Variants in CDK1 observed in about 807,000 individuals in gnomAD.
The protein encoded by CDK1 is cyclin dependent kinase 1.
CDK1 carries 5 observed loss-of-function variants against 34.6 expected under a neutral mutation model. The ratio of observed to expected loss-of-function variants is 0.14; its 90% CI spans 0.08 to 0.30. CDK1 has a LOEUF of 0.30. Ranked by LOEUF, CDK1 falls within the 10% of genes least tolerant of loss-of-function variation. The pLI is 1.00. For synonymous variants in CDK1, 108 were observed against 114.7 expected (o/e 0.94, Z 0.37); for missense variants, 157 against 345.7 (o/e 0.45, Z 4.33).
At chr10:60,789,472 CAT>C (rs1038215662) in intron 5 of CDK1, among the ~76,000 whole-genome samples, 32 of 152,276 alleles carry the variant, frequency 2.1e-4, no homozygotes, top group East Asian at 1.5e-3. Context: ...TGAGTGAAAA[CAT>C]GTGGTATTTA....
chr10:60,784,875 T>G lies in CDK1; in HGVS notation c.194+14T>G. 1 of 1,600,162 alleles carries G rather than the reference T, an allele frequency of 6.2e-7. No homozygotes were observed. Among genetic ancestry groups the G allele is most frequent in the Non-Finnish European group, 8.5e-7 (1 of 1,170,240 alleles). On this transcript the variant is annotated intron_variant, in intron 3 of 7. Transcript: ENST00000395284. Reference sequence around the variant, plus strand: ...AAATATAGTCAGGTATGTTGTAATATCTGAATGTAAGCCATTTTCTGCATG... The same window carrying G: ...AAATATAGTCAGGTATGTTGTAATAGCTGAATGTAAGCCATTTTCTGCATG...
At chr10:60,784,606 G>T in intron 2 of CDK1, 99 bp from the exon 3 acceptor site, 2 of 1,019,810 alleles carry the variant, frequency 2.0e-6, no homozygotes, top group Non-Finnish European at 1.4e-6. Context: ...CTCCAACCTG[G>T]ACAAGAAAAC....
intron 4 of CDK1, chr10:60,786,638 G>A (rs1373691776): frequency 6.0e-6 from 1 of 166,078 alleles, no homozygotes; most frequent in African/African-American, 2.4e-5. Flanking sequence ...GATATTGCCG[G>A]TTGCCCCCTA....
At position 60,788,113 on chromosome 10, in the gene CDK1, T is replaced by C. The variant is rs1191188453; in HGVS notation, c.372T>C (p.Val124=). The C allele has an allele frequency of 1.2e-6, 2 of 1,605,616 alleles. No homozygotes were observed. The highest frequency in any genetic ancestry group is 3.3e-5 in the Admixed American group (2 of 59,812). The change falls in exon 5 of 8, where the codon GTT becomes GTC. Residue 124 remains valine, a synonymous_variant. Transcript: ENST00000395284. ...TTGTGTTTTGTCACTCTAGAAGAGT[T>C]CTTCACAGAGACTTAAAACCTCAAA... ...QGIVFCHSRR[V]LHRDLKPQNL...
intron 4 of CDK1, 81 bp downstream of exon 4, chr10:60,785,868 G>A: frequency 7.3e-7 from 1 of 1,371,188 alleles, no homozygotes; most frequent in Non-Finnish European, 9.5e-7. Context: ...GCATTTTGTG[G>A]GAATATGCTT....
chr10:60,785,984 TA>T, intron 4 of CDK1, 197 bp downstream of exon 4: 1 of 1,175,770 alleles, frequency 8.5e-7, no homozygotes, highest in East Asian at 3.7e-5. Context: ...TTCTAGTAAG[TA>T]AAAATTAGTG....
intron 4 of CDK1, 150 bp from the exon 5 acceptor site, chr10:60,787,910 C>A: frequency 4.5e-6 from 2 of 441,850 alleles, no homozygotes; most frequent in Non-Finnish European, 8.1e-6. Context: ...AAATGGGCTT[C>A]CCACCCACAA....
Position 60,794,045 on chromosome 10 carries a change from T to C in CDK1, c.*70T>C. 2 of 768,904 alleles carry C rather than the reference T, an allele frequency of 2.6e-6. No homozygotes were observed. The highest frequency in any genetic ancestry group is 5.8e-5 in the East Asian group (2 of 34,672). The allele number at this position is 768,904 out of a possible 1,614,324, so 47.6% of individuals were successfully genotyped here. On this transcript the variant is annotated 3_prime_UTR_variant, in exon 8 of 8. Transcript: ENST00000395284. ...TGTTTTTATTGTTAACTCTTGTCTA[T>C]TTTTGTCTTATATATATTTCTTTGT...
chr10:60,781,116 C>G (rs1293902552), intron 2 of CDK1, among the ~76,000 whole-genome samples: 3 of 151,750 alleles, frequency 2.0e-5, no homozygotes, highest in Non-Finnish European at 4.4e-5. Context: ...AATTTTGCTG[C>G]TGAATTAAAA....
At chr10:60,781,925 T>C (rs1356906003) in intron 2 of CDK1, among the ~76,000 whole-genome samples, 1 of 152,222 alleles carries the variant, frequency 6.6e-6, no homozygotes, top group Non-Finnish European at 1.5e-5. Flanking sequence ...GTTTTCCTTG[T>C]TTGCTCTTCT....
chr10:60,790,631 G>T (rs1171701009), intron 5 of CDK1, among the ~76,000 whole-genome samples: 5 of 152,042 alleles, frequency 3.3e-5, no homozygotes, highest in Non-Finnish European at 7.4e-5. Flanking sequence ...CAATAACAGT[G>T]TTTCCTCTGT....
At position 60,784,938 on chromosome 10, in the gene CDK1, A is replaced by G. The variant is rs1589111415; in HGVS notation, c.194+77A>G. ...TAAATTTCAACTTGGAAATCTTTAC[A>G]TTTGCTCAATTTCTTGGTCTAGCCT... On this transcript the variant is annotated intron_variant, in intron 3 of 7. Transcript: ENST00000395284. 10 of 1,361,178 alleles carry G rather than the reference A, an allele frequency of 7.3e-6. No homozygotes were observed. In the East Asian group the frequency reaches 1.6e-4, roughly 22 times the overall value. The allele number at this position is 1,361,178 out of a possible 1,614,324, so 84.3% of individuals were successfully genotyped here.
chr10:60,785,560 C>T, intron 3 of CDK1, 104 bp from the exon 4 acceptor site: 1 of 697,344 alleles, frequency 1.4e-6, no homozygotes. Flanking sequence ...ACGTCTTCCC[C>T]AGTTTTTATT....
chr10:60,793,721 C>T (rs559726876), intron 7 of CDK1, among the ~76,000 whole-genome samples, 156 bp from the exon 8 acceptor site: 2 of 152,020 alleles, frequency 1.3e-5, no homozygotes, highest in Admixed American at 1.3e-4. Context: ...GGGGAGGAGA[C>T]ATTTGTGTGT....
chr10:60,785,392 A>G (rs2080306992), intron 3 of CDK1, among the ~76,000 whole-genome samples: 1 of 152,158 alleles, frequency 6.6e-6, no homozygotes, highest in African/African-American at 2.4e-5. Flanking sequence ...CAGTGAAAAA[A>G]TAAGCTCTCA....
intron 4 of CDK1, 173 bp from the exon 5 acceptor site, chr10:60,787,887 T>A: frequency 2.5e-6 from 1 of 396,044 alleles, no homozygotes; most frequent in Non-Finnish European, 4.5e-6. Context: ...TATACAAATG[T>A]GATGTTGTAT....
chr10:60,785,829 A>T (rs779662361), intron 4 of CDK1, 42 bp downstream of exon 4: 2 of 1,529,754 alleles, frequency 1.3e-6, no homozygotes, highest in Non-Finnish European at 1.8e-6. Flanking sequence ...TGCACTGTGG[A>T]TATAAAGGGA....
intron 3 of CDK1, among the ~76,000 whole-genome samples, chr10:60,785,099 G>T (rs542979785): frequency 3.1e-4 from 47 of 152,150 alleles, no homozygotes; most frequent in Non-Finnish European, 6.2e-4. Flanking sequence ...GAATAGCAAG[G>T]TAAATTGGCC....
chr10:60,790,445 G>A, intron 5 of CDK1, among the ~76,000 whole-genome samples: 1 of 152,078 alleles, frequency 6.6e-6, no homozygotes, highest in East Asian at 1.9e-4. Flanking sequence ...GGGGCTGTCA[G>A]CATATTTCCC....
Sources: gnomAD v4.1 joint callset for allele counts (sites outside exome capture counted in the v4.1 genomes callset) on GRCh38, gnomAD v4.1.1 for gene constraint, MANE v1.5 for transcripts, NCBI Gene and HGNC (gene_info 2026-07-23, HGNC 2026-07-21) for gene names.